Variants in THSD4 observed in about 807,000 individuals in gnomAD.
The protein encoded by THSD4 is thrombospondin type-1 domain-containing protein 4.
THSD4 carries 69 observed loss-of-function variants against 119.0 expected under a neutral mutation model. The observed-to-expected ratio is 0.58, with a 90% CI of 0.48 to 0.71. The LOEUF is 0.71. Ranked by LOEUF, THSD4 falls within the 30% of genes least tolerant of loss-of-function variation. THSD4 has a pLI of 0.00. For missense variants in THSD4, 1,393 were observed against 1,391.1 expected (o/e 1.00, Z -0.02); for synonymous variants, 524 against 540.4 (o/e 0.97, Z 0.42).
intron 3 of THSD4, among the ~76,000 whole-genome samples, chr15:71,199,505 T>TGTGTGTGTGGG (rs1276176908): frequency 2.2e-5 from 3 of 139,494 alleles, no homozygotes; most frequent in Admixed American, 7.0e-5. Context: ...GTGGTGTGTG[T>TGTGTGTGTGGG]GTGTGTGTGG....
chr15:71,383,513 G>T (rs1309075736), intron 6 of THSD4, among the ~76,000 whole-genome samples: 1 of 152,224 alleles, frequency 6.6e-6, no homozygotes, highest in African/African-American at 2.4e-5. Flanking sequence ...ATTTAAACCA[G>T]TGTCTTTTCC....
intron 7 of THSD4, among the ~76,000 whole-genome samples, chr15:71,495,635 A>G (rs1054771557): frequency 1.3e-5 from 2 of 152,212 alleles, no homozygotes; most frequent in African/African-American, 4.8e-5. Context: ...TAGACTGTAG[A>G]CACTGTAAAG....
intron 6 of THSD4, among the ~76,000 whole-genome samples, chr15:71,351,868 A>G (rs1248908919): frequency 6.6e-6 from 1 of 152,238 alleles, no homozygotes; most frequent in Non-Finnish European, 1.5e-5. Context: ...TTCAGAAGTC[A>G]ATTACCAAAT....
intron 6 of THSD4, among the ~76,000 whole-genome samples, chr15:71,260,276 T>A (rs1163265813): frequency 1.3e-5 from 2 of 152,234 alleles, no homozygotes; most frequent in African/African-American, 4.8e-5. Context: ...AAGAACTTAT[T>A]TTTTGAACAT....
intron 4 of THSD4, among the ~76,000 whole-genome samples, chr15:71,222,613 G>C (rs1268019751): frequency 6.6e-6 from 1 of 152,114 alleles, no homozygotes; most frequent in East Asian, 1.9e-4. Flanking sequence ...CAGGTGTTTG[G>C]GGGTGAAAGA....
chr15:71,295,974 T>C (rs1278303283), intron 6 of THSD4, among the ~76,000 whole-genome samples: 8 of 152,234 alleles, frequency 5.3e-5, no homozygotes, highest in Non-Finnish European at 1.0e-4. Context: ...TCATTAATAC[T>C]GTAGCATGTA....
chr15:71,170,094 A>G (rs1219566984), intron 3 of THSD4, among the ~76,000 whole-genome samples: 1 of 152,130 alleles, frequency 6.6e-6, no homozygotes, highest in African/African-American at 2.4e-5. Flanking sequence ...GAATCTCTTG[A>G]ACCCAGGAGG....
chr15:71,641,789 A>G (rs2050862809), intron 7 of THSD4, among the ~76,000 whole-genome samples: 1 of 152,232 alleles, frequency 6.6e-6, no homozygotes, highest in Non-Finnish European at 1.5e-5. Flanking sequence ...CAAGAAAACC[A>G]AATGCTAGAA....
At chr15:71,403,566 A>G (rs1175812734) in intron 6 of THSD4, among the ~76,000 whole-genome samples, 1 of 152,160 alleles carries the variant, frequency 6.6e-6, no homozygotes, top group Admixed American at 6.5e-5. Flanking sequence ...TTGTACTCTT[A>G]CAAGTCTTTG....
intron 7 of THSD4, among the ~76,000 whole-genome samples, chr15:71,588,117 T>C (rs2049718727): frequency 6.6e-6 from 1 of 151,742 alleles, no homozygotes; most frequent in Non-Finnish European, 1.5e-5. Context: ...CCATCCTGGC[T>C]AACATGGTGA....
chr15:71,395,650 A>T (rs900513850), intron 6 of THSD4, among the ~76,000 whole-genome samples: 6 of 152,062 alleles, frequency 3.9e-5, no homozygotes, highest in Non-Finnish European at 5.9e-5. Flanking sequence ...CTGAGGCAGG[A>T]GAATCGCTTG....
intron 8 of THSD4, among the ~76,000 whole-genome samples, chr15:71,685,092 G>T (rs373157860): frequency 1.3e-5 from 2 of 151,232 alleles, no homozygotes; most frequent in East Asian, 1.9e-4. Flanking sequence ...TATTAAATTT[G>T]CTTATTTTCA....
intron 7 of THSD4, among the ~76,000 whole-genome samples, chr15:71,558,747 A>C (rs1007528192): frequency 1.3e-5 from 2 of 152,204 alleles, no homozygotes; most frequent in Admixed American, 6.5e-5. Context: ...CTGGGATTAC[A>C]CACGTGAGCC....
At chr15:71,610,909 A>G (rs1221777513) in intron 7 of THSD4, among the ~76,000 whole-genome samples, 1 of 152,168 alleles carries the variant, frequency 6.6e-6, no homozygotes, top group African/African-American at 2.4e-5. Flanking sequence ...AGATATCCAC[A>G]TGTATGCCTA....
intron 7 of THSD4, among the ~76,000 whole-genome samples, chr15:71,463,414 A>G (rs1219193775): frequency 6.6e-6 from 1 of 152,158 alleles, no homozygotes; most frequent in Non-Finnish European, 1.5e-5. Flanking sequence ...TCAGCCAACT[A>G]TCAGTCGCCC....
At chr15:71,251,380 T>C (rs1370277889) in intron 5 of THSD4, among the ~76,000 whole-genome samples, 3 of 152,290 alleles carry the variant, frequency 2.0e-5, no homozygotes, top group African/African-American at 4.8e-5. Context: ...GAAACATTAA[T>C]GTATTACCAC....
chr15:71,611,370 G>T (rs1290534940), intron 7 of THSD4, among the ~76,000 whole-genome samples: 1 of 152,198 alleles, frequency 6.6e-6, no homozygotes, highest in Non-Finnish European at 1.5e-5. Context: ...GAGATGAAGG[G>T]TGGGACCAGG....
In THSD4 at chr15:71,188,642, C is replaced by G. The variant is rs1567151071; in HGVS notation, c.100-26393C>G. On this transcript the variant is annotated intron_variant, in intron 3 of 17. Transcript: ENST00000261862. ...CCTCTCCCATGGCCTGCATGATTTC[C>G]TAGGTAAATTAAAAATTTTCACCCA... is the stretch of plus-strand genomic sequence containing the variant. Among the ~76,000 whole-genome samples, 4 of 152,216 alleles carry G rather than the reference C, an allele frequency of 2.6e-5. No homozygotes were observed. The South Asian group carries it at 8.3e-4, about 32-fold the overall frequency.
Position 71,413,243 on chromosome 15 carries a change from C to T in THSD4, c.1152+1420C>T, listed in dbSNP as rs111925576. On this transcript the variant is annotated intron_variant, in intron 7 of 17. Transcript: ENST00000261862. Reference sequence around the variant, plus strand: ...GGCCAGGCTGGTCTTGAACCCCTGACCTCAAGTGATCCACCTGCCTTGGCC... The same window carrying T: ...GGCCAGGCTGGTCTTGAACCCCTGATCTCAAGTGATCCACCTGCCTTGGCC... Among the ~76,000 whole-genome samples, 19 of 152,320 alleles carry T rather than the reference C, an allele frequency of 1.2e-4. No homozygotes were observed. The South Asian group carries it at 3.7e-3, about 30-fold the overall frequency.
Sources: gnomAD v4.1 joint callset for allele counts (sites outside exome capture counted in the v4.1 genomes callset) on GRCh38, gnomAD v4.1.1 for gene constraint, MANE v1.5 for transcripts, NCBI Gene and HGNC (gene_info 2026-07-23, HGNC 2026-07-21) for gene names.